HPSE: variants seen among roughly 807,000 people sequenced by gnomAD.
HPSE encodes the protein heparanase, also known as endo-glucoronidase.
Under a neutral mutation model 65.1 loss-of-function variants are expected in HPSE, and 48 were observed. The observed-to-expected ratio is 0.74, with a 90% CI of 0.58 to 0.94. HPSE has a LOEUF of 0.94. HPSE is among the 40% of genes least tolerant of loss of function. The probability of loss-of-function intolerance (pLI) is 0.00; values close to 1 mark genes in which losing one functional copy is unlikely to be tolerated. For missense variants in HPSE, 644 were observed against 637.5 expected, an observed-to-expected ratio of 1.01 and a Z score of -0.11; for synonymous variants, 243 against 260.0, an observed-to-expected ratio of 0.93 and a Z score of 0.63.
At chr4:83,298,280 G>A (rs749053746) in intron 11 of HPSE, among the ~76,000 whole-genome samples, 19 of 152,236 alleles carry the variant, frequency 1.2e-4, no homozygotes, top group South Asian at 1.2e-3. Context: ...CAGATTCGGC[G>A]GAAATGGGGA....
chr4:83,293,396 A>T lies in HPSE; in HGVS notation c.*1948T>A, dbSNP rs1261481546. The T allele has an allele frequency of 6.6e-6, 1 of 152,234 alleles. No individual in the cohort carries two copies. The highest frequency in any genetic ancestry group is 2.4e-5 in the African/African-American group (1 of 41,454). 9.4% of individuals were successfully genotyped at this position (152,234 alleles called of 1,614,324 possible). On this transcript the variant is annotated 3_prime_UTR_variant, in exon 12 of 12. Coordinates refer to ENST00000311412, the MANE Select transcript of HPSE (RefSeq NM_001098540.3). ...GGCCCATGAAACAGCTACAGCCATC[A>T]TGCTACCAGAGTCTGAGAATGAAGC... is the stretch of plus-strand genomic sequence containing the variant.
intron 11 of HPSE, among the ~76,000 whole-genome samples, chr4:83,296,751 AC>A (rs1358007185): frequency 6.6e-6 from 1 of 152,120 alleles, no homozygotes; most frequent in Non-Finnish European, 1.5e-5. Context: ...TTTAGGTAAT[AC>A]ATGTAAAGTA....
chr4:83,301,085 A>G lies in HPSE; in HGVS notation c.1347T>C (p.Asp449=), dbSNP rs1735931157. 7 of 1,599,566 alleles carry G rather than the reference A, an allele frequency of 4.4e-6. No individual in the cohort carries two copies. The highest frequency in any genetic ancestry group is 6.0e-6 in the Non-Finnish European group (7 of 1,172,822). The change falls in exon 11 of 12, where the codon GAT becomes GAC. Residue 449 remains aspartate, a synonymous_variant. Coordinates refer to ENST00000311412, the MANE Select transcript of HPSE (RefSeq NM_001098540.3). ...NTDNPRYKEG[D]LTLYAINLHN... ...GGAGGTTTATGGCATACAGAGTTAA[A>G]TCTCCTTCTTTATACCTTGGACTAA...
rs1735625957 is a variant in HPSE, at chr4:83,293,646, T to A, written c.*1698A>T. ...AAAAGCAAGCATTAACAGACAGTTA[T>A]AAGGTATTGGGTGTTTTCTAAAATT... is the stretch of plus-strand genomic sequence containing the variant. On this transcript the variant is annotated 3_prime_UTR_variant, in exon 12 of 12. Transcript: ENST00000311412. The A allele has an allele frequency of 6.6e-6, 1 of 152,252 alleles. No homozygotes were observed. The highest frequency in any genetic ancestry group is 2.1e-4 in the South Asian group (1 of 4,832). The allele number at this position is 152,252 out of a possible 1,614,324, so 9.4% of individuals were successfully genotyped here.
chr4:83,317,122 C>T (rs894254767), intron 3 of HPSE, among the ~76,000 whole-genome samples: 1 of 152,218 alleles, frequency 6.6e-6, no homozygotes, highest in African/African-American at 2.4e-5. Flanking sequence ...TGGTCTCGAA[C>T]TCCTGACCTC....
chr4:83,331,748 G>A (rs1737381638), intron 1 of HPSE, among the ~76,000 whole-genome samples: 1 of 152,156 alleles, frequency 6.6e-6, no homozygotes, highest in Non-Finnish European at 1.5e-5. Flanking sequence ...TTAGATGAAG[G>A]TTTGGGCCCT....
chr4:83,295,948 A>G (rs1324044730), intron 11 of HPSE, among the ~76,000 whole-genome samples: 1 of 152,230 alleles, frequency 6.6e-6, no homozygotes, highest in Non-Finnish European at 1.5e-5. Context: ...AATGGTAGCC[A>G]ATGAAATTTC....
At position 83,295,405 on chromosome 4, in the gene HPSE, AAGCCC is replaced by A. The variant is rs756732153; in HGVS notation, c.1566_1570del (p.Gly523AlafsTer6). On this transcript the variant is annotated frameshift_variant, in exon 12 of 12. Coordinates refer to ENST00000311412, the MANE Select transcript of HPSE (RefSeq NM_001098540.3). LOFTEE classifies it high-confidence loss of function. Reference sequence around the variant, plus strand: ...AAAAAAACTATATGAGAAAGCTGGCAAGCCCAGTGAACTTCCTGGCCGGAGAGGTT... The same window carrying A: ...AAAAAAACTATATGAGAAAGCTGGCAAGTGAACTTCCTGGCCGGAGAGGTT... 6.2e-7 allele frequency: 1 copy of A among 1,613,474 alleles called. No homozygotes were observed. The highest frequency in any genetic ancestry group is 8.5e-7 in the Non-Finnish European group (1 of 1,179,608).
chr4:83,311,319 A>C (rs1736366753), intron 4 of HPSE, among the ~76,000 whole-genome samples: 1 of 152,098 alleles, frequency 6.6e-6, no homozygotes, highest in Non-Finnish European at 1.5e-5. Flanking sequence ...AATAAAATAA[A>C]TAAGTAAAGT....
intron 4 of HPSE, among the ~76,000 whole-genome samples, chr4:83,311,956 C>G (rs749239762): frequency 6.6e-6 from 1 of 151,962 alleles, no homozygotes; most frequent in Non-Finnish European, 1.5e-5. Flanking sequence ...TTTACAAGTT[C>G]TTTGCAAAAA....
intron 1 of HPSE, among the ~76,000 whole-genome samples, chr4:83,329,188 C>A (rs1737267291): frequency 6.6e-6 from 1 of 152,150 alleles, no homozygotes; most frequent in South Asian, 2.1e-4. Context: ...ACTGTCCACT[C>A]CCTCCTCCCG....
intron 8 of HPSE, among the ~76,000 whole-genome samples, chr4:83,307,663 TCTC>T (rs1736193144): frequency 6.6e-6 from 1 of 152,224 alleles, no homozygotes; most frequent in Admixed American, 6.5e-5. Flanking sequence ...TCTTCCCACT[TCTC>T]CTTCTCTATC....
At chr4:83,328,652 C>A (rs1424743655) in intron 1 of HPSE, among the ~76,000 whole-genome samples, 1 of 151,630 alleles carries the variant, frequency 6.6e-6, no homozygotes, top group Non-Finnish European at 1.5e-5. Context: ...ATGGTGCCAT[C>A]ATGAGGGCAG....
intron 11 of HPSE, among the ~76,000 whole-genome samples, chr4:83,299,030 T>C (rs1160820634): frequency 6.6e-6 from 1 of 152,034 alleles, no homozygotes; most frequent in African/African-American, 2.4e-5. Context: ...GTCTATAATT[T>C]CACCAGTTTT....
chr4:83,295,686 T>A (rs917606373), intron 11 of HPSE, among the ~76,000 whole-genome samples, 183 bp from the exon 12 acceptor site: 5 of 152,156 alleles, frequency 3.3e-5, no homozygotes, highest in Non-Finnish European at 5.9e-5. Context: ...TAAGCTACAA[T>A]GGCAGGGATG....
intron 2 of HPSE, among the ~76,000 whole-genome samples, chr4:83,320,382 T>C (rs555304387): frequency 2.6e-5 from 4 of 151,950 alleles, no homozygotes; most frequent in Admixed American, 2.0e-4. Flanking sequence ...CTGGACAACA[T>C]AGTAAAACCC....
At chr4:83,309,781 A>G (rs1052097369) in intron 6 of HPSE, among the ~76,000 whole-genome samples, 5 of 152,230 alleles carry the variant, frequency 3.3e-5, no homozygotes, top group African/African-American at 1.2e-4. Flanking sequence ...AGCTACTTAT[A>G]TGTTCCATGG....
At chr4:83,328,321 T>C (rs1413979874) in intron 1 of HPSE, among the ~76,000 whole-genome samples, 1 of 152,174 alleles carries the variant, frequency 6.6e-6, no homozygotes, top group Non-Finnish European at 1.5e-5. Flanking sequence ...TCCAACTCCA[T>C]AACTCCTGTC....
At chr4:83,322,598 T>C (rs529708124) in intron 1 of HPSE, among the ~76,000 whole-genome samples, 1 of 152,170 alleles carries the variant, frequency 6.6e-6, no homozygotes, top group South Asian at 2.1e-4. Flanking sequence ...GTTGAAGCAG[T>C]TCTGCTTCTG....
Sources: gnomAD v4.1 joint callset for allele counts (sites outside exome capture counted in the v4.1 genomes callset) on GRCh38, gnomAD v4.1.1 for gene constraint, MANE v1.5 for transcripts, NCBI Gene and HGNC (gene_info 2026-07-23, HGNC 2026-07-21) for gene names.